Variants in SYNPR observed in about 807,000 individuals in gnomAD.
SYNPR encodes synaptoporin.
Under a neutral mutation model 32.9 loss-of-function variants are expected in SYNPR, and 23 were observed. That is an observed-to-expected ratio of 0.70 (90% CI 0.50 to 0.99). SYNPR has a LOEUF of 0.99. SYNPR is among the 50% of genes least tolerant of loss of function. The pLI, the probability that SYNPR is intolerant of heterozygous loss-of-function variation, is 0.00. For missense variants in SYNPR, 318 were observed against 349.3 expected (o/e 0.91, Z 0.71); for synonymous variants, 146 against 135.9 (o/e 1.07, Z -0.52).
intron 2 of SYNPR, chr3:63,289,330 G>A (rs980645846): frequency 1.3e-5 from 2 of 152,338 alleles, no homozygotes; most frequent in Admixed American, 6.5e-5. Context: ...ATGAGGCTGA[G>A]TAATTTACAA....
At chr3:63,487,382 A>G (rs1701176473) in intron 3 of SYNPR, among the ~76,000 whole-genome samples, 1 of 152,236 alleles carries the variant, frequency 6.6e-6, no homozygotes, top group Admixed American at 6.5e-5. Context: ...TGTTATAAAT[A>G]TTAAATAAGA....
intron 2 of SYNPR, among the ~76,000 whole-genome samples, chr3:63,434,976 G>A (rs1575642145): frequency 6.6e-6 from 1 of 152,124 alleles, no homozygotes; most frequent in Non-Finnish European, 1.5e-5. Context: ...AGCAGTTTAT[G>A]GTGGGACCAC....
intron 2 of SYNPR, among the ~76,000 whole-genome samples, chr3:63,332,179 G>C (rs78628210): frequency 0.035 from 5,385 of 152,210 alleles, 295 homozygotes; most frequent in African/African-American, 0.12. Context: ...TTCTGCCTCA[G>C]AAACTTCAGG....
chr3:63,560,689 G>A (rs1338640295), intron 4 of SYNPR, among the ~76,000 whole-genome samples: 1 of 152,260 alleles, frequency 6.6e-6, no homozygotes, highest in Middle Eastern at 3.4e-3. Context: ...ATGGTGGAAG[G>A]CACCTCTTCA....
chr3:63,494,720 G>T (rs1238734715), intron 3 of SYNPR, among the ~76,000 whole-genome samples: 1 of 151,888 alleles, frequency 6.6e-6, no homozygotes, highest in Non-Finnish European at 1.5e-5. Flanking sequence ...AGCAAACTAT[G>T]GCTCACTGAG....
At chr3:63,381,246 T>G (rs1343135615) in intron 2 of SYNPR, among the ~76,000 whole-genome samples, 1 of 152,170 alleles carries the variant, frequency 6.6e-6, no homozygotes, top group East Asian at 1.9e-4. Context: ...ACAAGCATTC[T>G]TATACACCAA....
chr3:63,609,475 C>T (rs1700168998), intron 5 of SYNPR, among the ~76,000 whole-genome samples, 159 bp downstream of exon 5: 1 of 152,154 alleles, frequency 6.6e-6, no homozygotes, highest in Non-Finnish European at 1.5e-5. Flanking sequence ...GATCACTTGG[C>T]CCTCAGGTTT....
intron 2 of SYNPR, among the ~76,000 whole-genome samples, chr3:63,372,874 A>G (rs926352198): frequency 2.1e-4 from 32 of 152,316 alleles, no homozygotes; most frequent in African/African-American, 7.7e-4. Flanking sequence ...AGCTGCATTC[A>G]TGAGGAAATA....
At chr3:63,466,222 G>A (rs1700675551) in intron 2 of SYNPR, among the ~76,000 whole-genome samples, 1 of 150,706 alleles carries the variant, frequency 6.6e-6, no homozygotes, top group Non-Finnish European at 1.5e-5. Flanking sequence ...TTTTAATCTA[G>A]ACGTTCCTCT....
chr3:63,390,943 T>C (rs2088124865), intron 2 of SYNPR, among the ~76,000 whole-genome samples: 1 of 152,212 alleles, frequency 6.6e-6, no homozygotes, highest in South Asian at 2.1e-4. Flanking sequence ...TGGAAATCAC[T>C]CCGACTATGA....
chr3:63,520,666 C>A (rs1226135484), intron 3 of SYNPR, among the ~76,000 whole-genome samples: 4 of 106,712 alleles, frequency 3.7e-5, no homozygotes, highest in Non-Finnish European at 6.2e-5. Context: ...GAGCAAGACT[C>A]CATCTCAAAA....
intron 2 of SYNPR, among the ~76,000 whole-genome samples, chr3:63,470,910 T>A (rs138241356): frequency 6.4e-4 from 97 of 152,296 alleles, no homozygotes; most frequent in African/African-American, 2.1e-3. Flanking sequence ...AAACCCCTAT[T>A]TGTTTAAGGC....
chr3:63,417,886 G>A (rs1056953620), intron 2 of SYNPR, among the ~76,000 whole-genome samples: 19 of 152,168 alleles, frequency 1.2e-4, no homozygotes, highest in South Asian at 4.1e-4. Context: ...CAAGGCCTCC[G>A]GGCCTGTGAT....
At chr3:63,219,736 G>A in the SYNPR span, among the ~76,000 whole-genome samples, 1 of 152,128 alleles carries the variant, frequency 6.6e-6, no homozygotes, top group African/African-American at 2.4e-5. Context: ...TTCATTAAGT[G>A]AAAGTAGATC....
At chr3:63,217,797 GA>G in the SYNPR span, among the ~76,000 whole-genome samples, 1 of 152,286 alleles carries the variant, frequency 6.6e-6, no homozygotes, top group Admixed American at 6.5e-5. Flanking sequence ...ATTGTTAAAT[GA>G]GAAGTTCATT....
intron 2 of SYNPR, among the ~76,000 whole-genome samples, chr3:63,432,821 G>T (rs543479086): frequency 6.6e-6 from 1 of 152,310 alleles, no homozygotes; most frequent in African/African-American, 2.4e-5. Context: ...ACAAGTTATG[G>T]TGGCCTTCTT....
At chr3:63,391,904 A>G (rs2088142901) in intron 2 of SYNPR, among the ~76,000 whole-genome samples, 2 of 152,196 alleles carry the variant, frequency 1.3e-5, no homozygotes, top group Non-Finnish European at 2.9e-5. Flanking sequence ...CAGAAGCAAA[A>G]TAATAATTCA....
At chr3:63,225,219 C>G (rs1420735838), upstream of SYNPR, among the ~76,000 whole-genome samples, 1 of 152,180 alleles carries the variant, frequency 6.6e-6, no homozygotes, top group Non-Finnish European at 1.5e-5. Context: ...GTTATTGACA[C>G]AGCATCAATA....
chr3:63,343,063 G>A (rs1181234520), intron 2 of SYNPR, among the ~76,000 whole-genome samples: 3 of 152,204 alleles, frequency 2.0e-5, no homozygotes, highest in African/African-American at 4.8e-5. Context: ...TAGAGAAAGA[G>A]CTTTTCGGGC....
Sources: allele counts gnomAD v4.1 joint callset (sites outside exome capture counted in the v4.1 genomes callset), GRCh38; gene constraint gnomAD v4.1.1; transcripts MANE v1.5; gene names NCBI Gene and HGNC (gene_info 2026-07-23, HGNC 2026-07-21).